The following SETD3 variants were observed in gnomAD, a reference collection of about 807,000 sequenced individuals.
The protein encoded by SETD3 is SET domain containing 3, actin N3(tau)-histidine methyltransferase.
Under a neutral mutation model 63.0 loss-of-function variants are expected in SETD3, and 19 were observed. That is an observed-to-expected ratio of 0.30 (90% CI 0.21 to 0.44). The LOEUF is 0.44. Ranked by LOEUF, SETD3 falls within the 20% of genes least tolerant of loss-of-function variation. The pLI is 1.00. For synonymous variants in SETD3, 286 were observed against 264.1 expected (o/e 1.08, Z -0.80); for missense variants, 587 against 728.5 (o/e 0.81, Z 2.24).
chr14:99,403,274 C>A lies in SETD3; in HGVS notation c.1177+951G>T, dbSNP rs77343305. On this transcript the variant is annotated intron_variant, in intron 11 of 12. Coordinates refer to ENST00000331768, the MANE Select transcript of SETD3 (RefSeq NM_032233.3). ...GACCGCCGAGCACAGCAGCTTCCCCCACATGGGCCATGACTGCTTCCTCCG... is the reference window on the plus strand; with the variant it reads ...GACCGCCGAGCACAGCAGCTTCCCCAACATGGGCCATGACTGCTTCCTCCG... 1.8e-4 allele frequency among the ~76,000 whole-genome samples: 27 copies of A among 152,320 alleles called. 1 individual carries two copies. The East Asian group carries it at 4.2e-3, about 24-fold the overall frequency.
chr14:99,409,879 G>T, intron 8 of SETD3: 1 of 209,094 alleles, frequency 4.8e-6, no homozygotes, highest in Non-Finnish European at 9.4e-6. Context: ...TTTATTTACC[G>T]GTCATGAATT....
At chr14:99,427,713 C>T (rs1430784428) in intron 6 of SETD3, among the ~76,000 whole-genome samples, 7 of 152,178 alleles carry the variant, frequency 4.6e-5, no homozygotes, top group East Asian at 1.9e-4. Flanking sequence ...GCGTGCAAGG[C>T]ATTGTGGGGG....
At chr14:99,427,624 G>A (rs770796218) in intron 6 of SETD3, among the ~76,000 whole-genome samples, 24 of 152,206 alleles carry the variant, frequency 1.6e-4, no homozygotes, top group Admixed American at 2.0e-4. Context: ...TGCAGCTTCA[G>A]AGCCACTTTA....
At chr14:99,406,925 C>T (rs887639903) in intron 8 of SETD3, among the ~76,000 whole-genome samples, 7 of 152,230 alleles carry the variant, frequency 4.6e-5, no homozygotes, top group Non-Finnish European at 7.3e-5. Context: ...CCACAGGCCA[C>T]GCCTCCCACA....
chr14:99,424,952 A>G (rs1892799606), intron 6 of SETD3, among the ~76,000 whole-genome samples: 1 of 152,074 alleles, frequency 6.6e-6, no homozygotes, highest in Non-Finnish European at 1.5e-5. Flanking sequence ...TGGAAACTTC[A>G]CAACACTCAG....
At chr14:99,479,825 C>A (rs1232559393) in intron 1 of SETD3, among the ~76,000 whole-genome samples, 6 of 152,212 alleles carry the variant, frequency 3.9e-5, no homozygotes, top group Non-Finnish European at 2.9e-5. Context: ...CAAAATAACA[C>A]GGTCCGAGTG....
intron 6 of SETD3, among the ~76,000 whole-genome samples, chr14:99,421,420 T>C (rs1892591903): frequency 6.6e-6 from 1 of 152,044 alleles, no homozygotes; most frequent in Non-Finnish European, 1.5e-5. Context: ...ATCAGTCATT[T>C]ACAAGAGTAG....
In SETD3 at chr14:99,413,017, C is replaced by T. The variant is rs1162993564; in HGVS notation, c.783G>A (p.Glu261=). ...GAGCCAGGGTCACGCGGGAACCATC[C>T]TCTGTGGGAATTTGGTTTTGCCTCG... is the stretch of plus-strand genomic sequence containing the variant. ...VMTRQNQIPT[E]DGSRVTLALI... is the part of the protein sequence containing the mutation. Residue 261 remains glutamate, a synonymous_variant, in exon 8 of 13, where the codon GAG becomes GAA. Coordinates refer to ENST00000331768, the MANE Select transcript of SETD3 (RefSeq NM_032233.3). 10 of 1,613,958 alleles carry T rather than the reference C, an allele frequency of 6.2e-6. No homozygotes were observed. Among genetic ancestry groups the T allele is most frequent in the South Asian group, 1.1e-5 (1 of 91,080 alleles).
chr14:99,435,050 A>C (rs1893403188), intron 6 of SETD3, among the ~76,000 whole-genome samples: 1 of 152,036 alleles, frequency 6.6e-6, no homozygotes, highest in Non-Finnish European at 1.5e-5. Flanking sequence ...AATACCAGCT[A>C]TTTTAAAAAA....
rs1018382724 is a variant in SETD3 at position 99,439,620 on chromosome 14, A to C, written c.675+18659T>G. ...AACATATCTATGTATTAAATATATA[A>C]ACATATTTATATTTTTATATATACA... On this transcript the variant is annotated intron_variant, in intron 6 of 12. Coordinates refer to ENST00000331768, the MANE Select transcript of SETD3 (RefSeq NM_032233.3). Among the ~76,000 whole-genome samples the C allele has an allele frequency of 6.1e-5, 9 of 148,006 alleles. No homozygotes were observed. The South Asian group carries it at 1.9e-3, about 31-fold the overall frequency.
At chr14:99,458,839 A>C (rs1894912413) in intron 5 of SETD3, among the ~76,000 whole-genome samples, 2 of 151,298 alleles carry the variant, frequency 1.3e-5, no homozygotes, top group Admixed American at 1.3e-4. Context: ...GAATCATTTG[A>C]GCCTGGGAGA....
intron 6 of SETD3, among the ~76,000 whole-genome samples, chr14:99,422,907 G>T (rs1164516150): frequency 6.6e-6 from 1 of 152,218 alleles, no homozygotes; most frequent in African/African-American, 2.4e-5. Flanking sequence ...CCCCCAAGGC[G>T]CCTGGGGACA....
At chr14:99,429,843 A>G (rs1036288825) in intron 6 of SETD3, among the ~76,000 whole-genome samples, 1 of 152,248 alleles carries the variant, frequency 6.6e-6, no homozygotes, top group African/African-American at 2.4e-5. Context: ...TAAGGCCTCC[A>G]TAAGGCCTAC....
At chr14:99,426,260 C>T (rs1045105006) in intron 6 of SETD3, among the ~76,000 whole-genome samples, 2 of 152,216 alleles carry the variant, frequency 1.3e-5, no homozygotes, top group African/African-American at 2.4e-5. Flanking sequence ...GTTTATGCCA[C>T]GTGAAATTGC....
chr14:99,426,956 C>T (rs1038009406), intron 6 of SETD3, among the ~76,000 whole-genome samples: 1 of 152,138 alleles, frequency 6.6e-6, no homozygotes, highest in Admixed American at 6.5e-5. Flanking sequence ...ACTGCATGCC[C>T]CACATGCTGC....
chr14:99,482,550 T>C (rs914700855), upstream of SETD3, among the ~76,000 whole-genome samples: 3 of 152,236 alleles, frequency 2.0e-5, no homozygotes, highest in African/African-American at 7.2e-5. Context: ...TTATCCAAGA[T>C]TGTCTTATTC....
At chr14:99,461,370 A>G (rs1462558672) in intron 3 of SETD3, 30 bp from the exon 4 acceptor site, 2 of 1,602,612 alleles carry the variant, frequency 1.2e-6, no homozygotes, top group Non-Finnish European at 1.7e-6. Flanking sequence ...AGAAAACAAG[A>G]GCTACTTTTA....
At chr14:99,431,071 C>T (rs1893150739) in intron 6 of SETD3, among the ~76,000 whole-genome samples, 1 of 152,196 alleles carries the variant, frequency 6.6e-6, no homozygotes, top group Non-Finnish European at 1.5e-5. Context: ...CCCAGAAAAG[C>T]CCTGCCCCAG....
chr14:99,471,816 G>C (rs1895721903), intron 1 of SETD3, among the ~76,000 whole-genome samples: 1 of 152,180 alleles, frequency 6.6e-6, no homozygotes, highest in African/African-American at 2.4e-5. Flanking sequence ...TGATAGAAAA[G>C]GAAAGCTTAC....
Sources: allele counts gnomAD v4.1 joint callset (sites outside exome capture counted in the v4.1 genomes callset), GRCh38; gene constraint gnomAD v4.1.1; transcripts MANE v1.5; gene names NCBI Gene and HGNC (gene_info 2026-07-23, HGNC 2026-07-21).